ADAMTS16: variants seen among roughly 807,000 people sequenced by gnomAD.
The protein encoded by ADAMTS16 is A disintegrin and metalloproteinase with thrombospondin motifs 16.
In ADAMTS16, 94 loss-of-function variants were observed where a neutral mutation model predicts 145.8. The observed-to-expected ratio is 0.64, with a 90% CI of 0.55 to 0.77. The LOEUF is 0.77. Among genes scored for constraint, ADAMTS16 ranks in the 30% least tolerant of loss-of-function variants. The pLI is 0.00. For missense variants in ADAMTS16, 1,585 were observed against 1,591.5 expected (o/e 1.00, Z 0.07); for synonymous variants, 659 against 604.3 (o/e 1.09, Z -1.33).
chr5:5,270,246 G>A (rs993829941), intron 18 of ADAMTS16, among the ~76,000 whole-genome samples: 1 of 152,156 alleles, frequency 6.6e-6, no homozygotes, highest in Non-Finnish European at 1.5e-5. Flanking sequence ...AGATCTCCAG[G>A]CTCCCTTCCC....
chr5:5,262,385 T>C (rs1039678224), intron 17 of ADAMTS16, among the ~76,000 whole-genome samples: 1 of 152,208 alleles, frequency 6.6e-6, no homozygotes, highest in African/African-American at 2.4e-5. Flanking sequence ...TATGATGACA[T>C]CAATCGCAAA....
At chr5:5,184,050 C>T (rs539100752) in intron 4 of ADAMTS16, among the ~76,000 whole-genome samples, 65 of 152,332 alleles carry the variant, frequency 4.3e-4, no homozygotes, top group African/African-American at 1.5e-3. Context: ...TAGTACTACA[C>T]TCCTGGGCCT....
intron 9 of ADAMTS16, among the ~76,000 whole-genome samples, chr5:5,204,331 G>A (rs1409955532): frequency 2.6e-5 from 4 of 151,968 alleles, no homozygotes; most frequent in Admixed American, 2.6e-4. Flanking sequence ...TTTTTGTTTT[G>A]GTACGAAATA....
At chr5:5,277,710 T>C (rs1457730267) in intron 18 of ADAMTS16, among the ~76,000 whole-genome samples, 1 of 152,194 alleles carries the variant, frequency 6.6e-6, no homozygotes, top group Non-Finnish European at 1.5e-5. Flanking sequence ...GTGTGGCGGC[T>C]CACCCCTGTA....
intron 3 of ADAMTS16, among the ~76,000 whole-genome samples, chr5:5,161,927 T>G (rs1025667036): frequency 6.6e-6 from 1 of 152,160 alleles, no homozygotes; most frequent in African/African-American, 2.4e-5. Flanking sequence ...TTACTGTTCT[T>G]TTTCAACACA....
intron 21 of ADAMTS16, among the ~76,000 whole-genome samples, chr5:5,316,074 C>T (rs2126538500): frequency 6.6e-6 from 1 of 152,304 alleles, no homozygotes; most frequent in African/African-American, 2.4e-5. Flanking sequence ...ATCCCATCCC[C>T]AGCGATTTAA....
At chr5:5,286,667 G>T (rs1171466946) in intron 18 of ADAMTS16, among the ~76,000 whole-genome samples, 2 of 151,916 alleles carry the variant, frequency 1.3e-5, no homozygotes, top group Non-Finnish European at 2.9e-5. Flanking sequence ...GACCATCCTG[G>T]CTAACACGGT....
intron 18 of ADAMTS16, 129 bp downstream of exon 18, chr5:5,262,912 A>T: frequency 7.4e-7 from 1 of 1,345,518 alleles, no homozygotes; most frequent in South Asian, 1.4e-5. Context: ...GGAGAAGCAA[A>T]GGGGACAAGA....
intron 3 of ADAMTS16, among the ~76,000 whole-genome samples, chr5:5,169,032 G>A (rs1370007626): frequency 6.6e-6 from 1 of 151,672 alleles, no homozygotes; most frequent in East Asian, 1.9e-4. Context: ...CCTATGGCAT[G>A]GGGGCTAGAT....
chr5:5,214,693 C>T (rs539171965), intron 10 of ADAMTS16, among the ~76,000 whole-genome samples: 2 of 152,278 alleles, frequency 1.3e-5, no homozygotes, highest in East Asian at 1.9e-4. Context: ...TGTGAGCCAC[C>T]GCACCCAGCT....
At chr5:5,293,424 T>C (rs1341157945) in intron 18 of ADAMTS16, among the ~76,000 whole-genome samples, 1 of 152,144 alleles carries the variant, frequency 6.6e-6, no homozygotes, top group Non-Finnish European at 1.5e-5. Context: ...CAAACCAGTC[T>C]CTCTCATTCC....
At chr5:5,237,530 G>A (rs189711793) in intron 14 of ADAMTS16, among the ~76,000 whole-genome samples, 1 of 152,234 alleles carries the variant, frequency 6.6e-6, no homozygotes, top group East Asian at 1.9e-4. Context: ...GGAAGGGTTG[G>A]GGTAAGAAGA....
At chr5:5,177,932 G>A (rs921037772) in intron 3 of ADAMTS16, among the ~76,000 whole-genome samples, 6 of 152,152 alleles carry the variant, frequency 3.9e-5, no homozygotes, top group African/African-American at 1.4e-4. Flanking sequence ...TCTCATTGCT[G>A]TAGAAATAAC....
At chr5:5,251,485 T>C (rs1299551199) in intron 17 of ADAMTS16, among the ~76,000 whole-genome samples, 2 of 152,204 alleles carry the variant, frequency 1.3e-5, no homozygotes, top group Non-Finnish European at 2.9e-5. Flanking sequence ...TGGCTTCATT[T>C]TTATGGAGAG....
chr5:5,140,713 G>A lies in ADAMTS16; in HGVS notation c.122G>A (p.Ser41Asn). ...GPAAAAPGSP[S>N]VPRPPPPAER... ...GCAGCGGCAGCGCCTGGGAGCCCGA[G>A]CGTCCCGCGTCCTCCTCCACCCGCG... The change falls in exon 2 of 23, where the codon AGC (serine) becomes AAC (asparagine). Residue 41 changes from serine to asparagine, a missense_variant. Ser to Asn is a conservative substitution (Grantham distance 46, BLOSUM62 1). Coordinates refer to ENST00000274181, the MANE Select transcript of ADAMTS16 (RefSeq NM_139056.4). The A allele has an allele frequency of 6.4e-7, 1 of 1,569,364 alleles. No individual in the cohort carries two copies. Among genetic ancestry groups the A allele is most frequent in the Non-Finnish European group, 8.6e-7 (1 of 1,159,436 alleles).
intron 3 of ADAMTS16, among the ~76,000 whole-genome samples, chr5:5,171,455 C>T (rs904334249): frequency 6.6e-6 from 1 of 152,054 alleles, no homozygotes; most frequent in African/African-American, 2.4e-5. Flanking sequence ...CTTCTATACC[C>T]AGTGTTTTGA....
chr5:5,173,992 C>T (rs1014522437), intron 3 of ADAMTS16, among the ~76,000 whole-genome samples: 1 of 152,160 alleles, frequency 6.6e-6, no homozygotes, highest in African/African-American at 2.4e-5. Context: ...AACGTAATTA[C>T]AGTATTATAA....
At chr5:5,275,358 T>C (rs974287648) in intron 18 of ADAMTS16, among the ~76,000 whole-genome samples, 1 of 152,242 alleles carries the variant, frequency 6.6e-6, no homozygotes, top group Non-Finnish European at 1.5e-5. Context: ...CCTTTATGGC[T>C]TAACAATGGG....
chr5:5,216,020 T>C (rs560797310), intron 10 of ADAMTS16, among the ~76,000 whole-genome samples: 1 of 151,392 alleles, frequency 6.6e-6, no homozygotes, highest in African/African-American at 2.4e-5. Flanking sequence ...AAGTATCTTT[T>C]TTGAATAATG....
Sources: allele counts gnomAD v4.1 joint callset (sites outside exome capture counted in the v4.1 genomes callset), GRCh38; gene constraint gnomAD v4.1.1; transcripts MANE v1.5; gene names NCBI Gene and HGNC (gene_info 2026-07-23, HGNC 2026-07-21).